Variants in FRAS1 observed in about 807,000 individuals in gnomAD.
FRAS1 encodes Fraser extracellular matrix complex subunit 1, also known as extracellular matrix organizing protein FRAS1.
Under a neutral mutation model 435.2 loss-of-function variants are expected in FRAS1, and 290 were observed. That is an observed-to-expected ratio of 0.67 (90% CI 0.61 to 0.73). The LOEUF is 0.73. Among genes scored for constraint, FRAS1 ranks in the 30% least tolerant of loss-of-function variants. The pLI, the probability that FRAS1 is intolerant of heterozygous loss-of-function variation, is 0.00. For missense variants in FRAS1, 4,860 were observed against 5,001.5 expected (o/e 0.97, Z 0.85); for synonymous variants, 1,800 against 1,851.0 (o/e 0.97, Z 0.71).
At chr4:78,225,450 A>C (rs903056339) in intron 2 of FRAS1, among the ~76,000 whole-genome samples, 5 of 152,218 alleles carry the variant, frequency 3.3e-5, no homozygotes, top group African/African-American at 1.2e-4. Flanking sequence ...GTAAAGGCCA[A>C]GTCTGGGCCA....
At chr4:78,086,041 C>A (rs1175390412) in intron 2 of FRAS1, among the ~76,000 whole-genome samples, 20 of 152,154 alleles carry the variant, frequency 1.3e-4, no homozygotes, top group Non-Finnish European at 2.9e-4. Context: ...CACTCCTCAG[C>A]AAATGTAAAA....
chr4:78,445,259 GT>G (rs1032346420), intron 41 of FRAS1, among the ~76,000 whole-genome samples: 2 of 152,178 alleles, frequency 1.3e-5, no homozygotes, highest in East Asian at 1.9e-4. Context: ...ATTATTGTAA[GT>G]TTTTTTGCAT....
In FRAS1 at chr4:78,111,675, C is replaced by T. The variant is rs1484793729; in HGVS notation, c.108+45659C>T. On this transcript the variant is annotated intron_variant, in intron 2 of 73. Coordinates refer to ENST00000512123, the MANE Select transcript of FRAS1 (RefSeq NM_025074.7). ...CTAGATGACACATTAGTGGGTGCAG[C>T]GCACCAGCATGGCACATGTATACAT... Among the ~76,000 whole-genome samples, 14 of 118,140 alleles carry T rather than the reference C, an allele frequency of 1.2e-4. No homozygotes were observed. In the East Asian group the frequency reaches 3.0e-3, roughly 26 times the overall value. 77.5% of individuals were successfully genotyped at this position (118,140 alleles called of 152,430 possible).
intron 1 of FRAS1, among the ~76,000 whole-genome samples, chr4:78,063,376 A>G (rs1347706233): frequency 3.3e-5 from 5 of 152,214 alleles, no homozygotes; most frequent in East Asian, 3.9e-4. Flanking sequence ...TTCTCAAGAG[A>G]GTAGAAATGA....
intron 20 of FRAS1, among the ~76,000 whole-genome samples, chr4:78,354,481 T>C (rs891175176): frequency 5.3e-5 from 8 of 152,300 alleles, no homozygotes; most frequent in East Asian, 3.9e-4. Context: ...AGGATGCTTC[T>C]TTTTCTTCTG....
chr4:78,285,028 G>A (rs1165350787), intron 13 of FRAS1, among the ~76,000 whole-genome samples: 1 of 152,184 alleles, frequency 6.6e-6, no homozygotes, highest in Admixed American at 6.5e-5. Flanking sequence ...CAAACAGATA[G>A]TTGGTAATAG....
intron 2 of FRAS1, among the ~76,000 whole-genome samples, chr4:78,089,972 C>G (rs1741427311): frequency 6.6e-6 from 1 of 152,140 alleles, no homozygotes; most frequent in Admixed American, 6.5e-5. Flanking sequence ...CATGAGTTCT[C>G]ATGGTTTTCT....
chr4:78,293,950 G>A (rs1220097859), intron 14 of FRAS1, among the ~76,000 whole-genome samples: 2 of 152,222 alleles, frequency 1.3e-5, no homozygotes, highest in African/African-American at 4.8e-5. Flanking sequence ...AGATGCCACA[G>A]AGTTTATCTT....
intron 18 of FRAS1, among the ~76,000 whole-genome samples, chr4:78,326,028 T>G (rs55728531): frequency 0.28 from 43,128 of 152,092 alleles, 6,552 homozygotes; most frequent in Non-Finnish European, 0.33. Context: ...AGGGTGTGTG[T>G]GGGACATTAC....
rs2110110464 is a variant in FRAS1 at position 78,233,379 on chromosome 4, A to C, written c.109-4131A>C. On this transcript the variant is annotated intron_variant, in intron 2 of 73. Coordinates refer to ENST00000512123, the MANE Select transcript of FRAS1 (RefSeq NM_025074.7). Reference sequence around the variant, plus strand: ...TAGTTTCATTTCTCCCTTATTCAACAATGTTCTGGATCCTCTAAATGCTAG... The same window carrying C: ...TAGTTTCATTTCTCCCTTATTCAACCATGTTCTGGATCCTCTAAATGCTAG... Among the ~76,000 whole-genome samples, 2 of 152,292 alleles carry C rather than the reference A, an allele frequency of 1.3e-5. 1 individual carries two copies. The highest frequency in any genetic ancestry group is 3.9e-4 in the East Asian group (2 of 5,188).
chr4:78,137,660 G>T (rs1342199718), intron 2 of FRAS1, among the ~76,000 whole-genome samples: 2 of 152,210 alleles, frequency 1.3e-5, no homozygotes, highest in African/African-American at 4.8e-5. Context: ...ATTGTTGGGT[G>T]TCTCTTCACT....
chr4:78,144,029 T>C (rs1720311328), intron 2 of FRAS1, among the ~76,000 whole-genome samples: 1 of 151,882 alleles, frequency 6.6e-6, no homozygotes, highest in South Asian at 2.1e-4. Flanking sequence ...AAATAAGTAT[T>C]TTTCTTAATC....
chr4:78,479,017 C>T (rs555796876), intron 55 of FRAS1, among the ~76,000 whole-genome samples: 2 of 152,344 alleles, frequency 1.3e-5, no homozygotes, highest in South Asian at 2.1e-4. Context: ...GCTTATAGCA[C>T]TACCTTCAGG....
chr4:78,227,328 T>C (rs1021132135), intron 2 of FRAS1, among the ~76,000 whole-genome samples: 2 of 152,204 alleles, frequency 1.3e-5, no homozygotes, highest in Non-Finnish European at 2.9e-5. Context: ...TTATATGACA[T>C]CTAGAATTTA....
Position 78,424,381 on chromosome 4 carries a change from CT to C in FRAS1, c.4679-3del. The C allele has an allele frequency of 1.4e-6, 2 of 1,459,216 alleles. No homozygotes were observed. The highest frequency in any genetic ancestry group is 1.4e-5 in the South Asian group (1 of 71,232). 90.4% of individuals were successfully genotyped at this position (1,459,216 alleles called of 1,614,324 possible). On this transcript the variant is annotated splice_polypyrimidine_tract_variant and splice_region_variant and intron_variant, in intron 34 of 73. Transcript: ENST00000512123. ...TAATATACTGATTGTCTCTCTTACT[CT>C]TTTAGGTCTCCCAGAATCAGTGAAA...
At chr4:78,441,099 GCT>G in intron 40 of FRAS1, 61 bp from the exon 41 acceptor site, 1 of 1,570,954 alleles carries the variant, frequency 6.4e-7, no homozygotes, top group Non-Finnish European at 8.7e-7. Flanking sequence ...TTGCAATCCA[GCT>G]CTTTTTTTAC....
At chr4:78,423,737 A>G (rs1733891106) in intron 34 of FRAS1, among the ~76,000 whole-genome samples, 1 of 152,204 alleles carries the variant, frequency 6.6e-6, no homozygotes, top group South Asian at 2.1e-4. Context: ...TAGTGTCTGT[A>G]CACAGTATTT....
chr4:78,344,257 C>T (rs1730512910), intron 20 of FRAS1, among the ~76,000 whole-genome samples: 1 of 152,058 alleles, frequency 6.6e-6, no homozygotes, highest in Non-Finnish European at 1.5e-5. Context: ...TAATAGGTGC[C>T]AGTTCTGAGG....
intron 29 of FRAS1, among the ~76,000 whole-genome samples, chr4:78,390,440 A>G (rs917577855): frequency 1.1e-4 from 16 of 152,204 alleles, no homozygotes; most frequent in Admixed American, 6.5e-5. Context: ...TGCTGGAGCT[A>G]TGATTTCATC....
Sources: gnomAD v4.1 joint callset for allele counts (sites outside exome capture counted in the v4.1 genomes callset) on GRCh38, gnomAD v4.1.1 for gene constraint, MANE v1.5 for transcripts, NCBI Gene and HGNC (gene_info 2026-07-23, HGNC 2026-07-21) for gene names.